KCTD16: variants seen among roughly 807,000 people sequenced by gnomAD.
KCTD16 encodes potassium channel tetramerization domain containing 16, also known as BTB/POZ domain-containing protein KCTD16.
Under a neutral mutation model 33.2 loss-of-function variants are expected in KCTD16, and 13 were observed. The observed-to-expected ratio is 0.39, with a 90% CI of 0.25 to 0.62. The LOEUF (loss-of-function observed/expected upper bound fraction) is 0.62, where lower values mean the gene tolerates loss of function less well. Among genes scored for constraint, KCTD16 ranks in the 20% least tolerant of loss-of-function variants. KCTD16 has a pLI of 0.50. For missense variants in KCTD16, 441 were observed against 525.1 expected, an observed-to-expected ratio of 0.84 and a Z score of 1.57; for synonymous variants, 197 against 195.3, an observed-to-expected ratio of 1.01 and a Z score of -0.07.
intron 3 of KCTD16, among the ~76,000 whole-genome samples, chr5:144,218,243 G>T (rs1753625212): frequency 1.3e-5 from 2 of 152,168 alleles, no homozygotes; most frequent in Non-Finnish European, 2.9e-5. Context: ...TCAATCTAGT[G>T]TGATGAGGAA....
chr5:144,375,042 C>G (rs1320383295), intron 3 of KCTD16, among the ~76,000 whole-genome samples: 1 of 152,200 alleles, frequency 6.6e-6, no homozygotes. Context: ...GTGGCTAACT[C>G]TAATGCTAGT....
At chr5:144,350,317 G>T (rs748928764) in intron 3 of KCTD16, among the ~76,000 whole-genome samples, 1 of 151,912 alleles carries the variant, frequency 6.6e-6, no homozygotes, top group Non-Finnish European at 1.5e-5. Context: ...CAAACACAAG[G>T]CCTGGTTATT....
chr5:144,381,050 A>G (rs1432715921), intron 3 of KCTD16, among the ~76,000 whole-genome samples: 1 of 152,212 alleles, frequency 6.6e-6, no homozygotes, highest in African/African-American at 2.4e-5. Flanking sequence ...TTTGCAAACT[A>G]TGCATCTGAT....
chr5:144,197,541 T>G (rs985484800), intron 2 of KCTD16, among the ~76,000 whole-genome samples: 3 of 152,200 alleles, frequency 2.0e-5, no homozygotes, highest in Non-Finnish European at 4.4e-5. Context: ...CAAATATATA[T>G]AGAGTGCTTA....
intron 3 of KCTD16, among the ~76,000 whole-genome samples, chr5:144,425,568 G>A (rs1244866021): frequency 1.3e-5 from 2 of 151,924 alleles, no homozygotes; most frequent in East Asian, 1.9e-4. Flanking sequence ...TGAAATCTAG[G>A]TGGAGGTAGA....
At chr5:144,395,133 C>T (rs1035381809) in intron 3 of KCTD16, among the ~76,000 whole-genome samples, 5 of 152,142 alleles carry the variant, frequency 3.3e-5, no homozygotes, top group Non-Finnish European at 7.4e-5. Flanking sequence ...TAGAAGCCCT[C>T]CATGTGATTC....
At chr5:144,260,742 T>TTTG (rs201280424) in intron 3 of KCTD16, among the ~76,000 whole-genome samples, 2 of 152,006 alleles carry the variant, frequency 1.3e-5, no homozygotes, top group African/African-American at 4.8e-5. Context: ...GCCTGTTTTT[T>TTTG]TTGTTGTTGT....
At chr5:144,354,306 T>C (rs1751519787) in intron 3 of KCTD16, among the ~76,000 whole-genome samples, 1 of 152,220 alleles carries the variant, frequency 6.6e-6, no homozygotes, top group Admixed American at 6.5e-5. Context: ...ATGATCATTC[T>C]CTTATTAATA....
chr5:144,457,752 T>TTGATGTAAAGAAACTGGCAAGGTGTAGG (rs1185160167), intron 3 of KCTD16, among the ~76,000 whole-genome samples: 3 of 152,204 alleles, frequency 2.0e-5, no homozygotes, highest in African/African-American at 7.2e-5. Context: ...ACAGTCTCAT[T>TTGATGTAAAGAAACTGGCAAGGTGTAGG]TGATGTAAAG....
chr5:144,287,997 C>G (rs1755794408), intron 3 of KCTD16, among the ~76,000 whole-genome samples: 1 of 152,132 alleles, frequency 6.6e-6, no homozygotes, highest in Non-Finnish European at 1.5e-5. Context: ...ATATGAGGAT[C>G]TAGAGCATTG....
chr5:144,347,205 C>T (rs540411272), intron 3 of KCTD16, among the ~76,000 whole-genome samples: 24 of 152,190 alleles, frequency 1.6e-4, no homozygotes, highest in East Asian at 5.8e-4. Flanking sequence ...TAGAATTATT[C>T]GACTTCAATA....
At chr5:144,302,018 A>C (rs1356373978) in intron 3 of KCTD16, among the ~76,000 whole-genome samples, 1 of 152,210 alleles carries the variant, frequency 6.6e-6, no homozygotes, top group African/African-American at 2.4e-5. Context: ...AAAATTAAGT[A>C]AGTTTTATGT....
chr5:144,341,323 C>A (rs1476637123), intron 3 of KCTD16, among the ~76,000 whole-genome samples: 1 of 152,106 alleles, frequency 6.6e-6, no homozygotes, highest in Non-Finnish European at 1.5e-5. Flanking sequence ...GCCATCCCAC[C>A]TTGCTCACTT....
At chr5:144,436,177 C>A (rs1753572207) in intron 3 of KCTD16, among the ~76,000 whole-genome samples, 1 of 152,168 alleles carries the variant, frequency 6.6e-6, no homozygotes, top group Admixed American at 6.5e-5. Context: ...CTCTGTTGGG[C>A]TAAAGCTAAA....
At chr5:144,310,715 T>G (rs1423109490) in intron 3 of KCTD16, among the ~76,000 whole-genome samples, 1 of 152,186 alleles carries the variant, frequency 6.6e-6, no homozygotes, top group Non-Finnish European at 1.5e-5. Flanking sequence ...AGCTTAGAGC[T>G]CATTGAGTTG....
intron 3 of KCTD16, among the ~76,000 whole-genome samples, chr5:144,316,471 G>A (rs1377028726): frequency 2.7e-5 from 4 of 149,500 alleles, no homozygotes; most frequent in Non-Finnish European, 5.9e-5. Context: ...ACTACCCTGC[G>A]TAATTTTTCC....
chr5:144,458,353 A>G lies in KCTD16; in HGVS notation c.833-15307A>G, dbSNP rs572003450. Among the ~76,000 whole-genome samples the G allele has an allele frequency of 2.6e-5, 4 of 152,266 alleles. No individual in the cohort carries two copies. The East Asian group carries it at 7.7e-4, about 29-fold the overall frequency. The stretch of plus-strand genomic sequence containing the variant: ...ACTGGGTACTCAATTCTACCAGGCA[A>G]AACCACCTTTCTTAGTACTGCCACT... On this transcript the variant is annotated intron_variant, in intron 3 of 3. Transcript: ENST00000512467.
At chr5:144,375,668 T>C (rs1752074858) in intron 3 of KCTD16, among the ~76,000 whole-genome samples, 1 of 152,188 alleles carries the variant, frequency 6.6e-6, no homozygotes, top group African/African-American at 2.4e-5. Context: ...TCAGCAACTA[T>C]ATTTATGTGT....
At chr5:144,226,551 A>G (rs1753935465) in intron 3 of KCTD16, among the ~76,000 whole-genome samples, 1 of 151,400 alleles carries the variant, frequency 6.6e-6, no homozygotes, top group Non-Finnish European at 1.5e-5. Context: ...AAGTGATTCT[A>G]TGTTTGACTT....
Sources: gnomAD v4.1 joint callset for allele counts (sites outside exome capture counted in the v4.1 genomes callset) on GRCh38, gnomAD v4.1.1 for gene constraint, MANE v1.5 for transcripts, NCBI Gene and HGNC (gene_info 2026-07-23, HGNC 2026-07-21) for gene names.